ARMC9: variants seen among roughly 807,000 people sequenced by gnomAD.
ARMC9 encodes the protein armadillo repeat containing 9.
Under a neutral mutation model 107.0 loss-of-function variants are expected in ARMC9, and 94 were observed. That is an observed-to-expected ratio of 0.88 (90% confidence interval 0.74 to 1.04). The LOEUF is 1.04. Ranked by LOEUF, ARMC9 falls within the 50% of genes least tolerant of loss-of-function variation. ARMC9 has a pLI of 0.00. For missense variants in ARMC9, 942 were observed against 1,030.1 expected (o/e 0.91, Z 1.17); for synonymous variants, 380 against 396.9 (o/e 0.96, Z 0.51).
intron 21 of ARMC9, among the ~76,000 whole-genome samples, chr2:231,348,853 T>C (rs2125586372): frequency 6.6e-6 from 1 of 152,346 alleles, no homozygotes. Context: ...TCATTGATCA[T>C]CAGAGATGCA....
At chr2:231,309,437 C>T (rs1387454834) in intron 19 of ARMC9, among the ~76,000 whole-genome samples, 1 of 152,154 alleles carries the variant, frequency 6.6e-6, no homozygotes, top group Non-Finnish European at 1.5e-5. Context: ...TGTAGTGAAG[C>T]ATATTTCTAG....
At chr2:231,277,643 A>T (rs1422001524) in intron 15 of ARMC9, among the ~76,000 whole-genome samples, 1 of 150,828 alleles carries the variant, frequency 6.6e-6, no homozygotes, top group East Asian at 1.9e-4. Context: ...CAGTGGTGCA[A>T]CCTCTGCCTC....
chr2:231,343,606 G>C (rs145599345), intron 20 of ARMC9, among the ~76,000 whole-genome samples: 174 of 152,216 alleles, frequency 1.1e-3, no homozygotes, highest in African/African-American at 4.0e-3. Flanking sequence ...TCACTAGTTT[G>C]ACAGTGATTT....
intron 22 of ARMC9, among the ~76,000 whole-genome samples, chr2:231,359,075 G>A (rs1013049950): frequency 4.5e-5 from 6 of 133,348 alleles, no homozygotes; most frequent in African/African-American, 2.3e-4. Context: ...AGTTAGGGGG[G>A]TCTCCTGTTT....
At chr2:231,295,550 C>T (rs1224111075) in intron 18 of ARMC9, 1 of 152,338 alleles carries the variant, frequency 6.6e-6, no homozygotes, top group Non-Finnish European at 1.5e-5. Context: ...GTGGCTGGTA[C>T]AACCCCCATT....
In ARMC9 at chr2:231,354,323, C is replaced by G. The variant is rs969995628; in HGVS notation, c.1995-1475C>G. 4.0e-5 allele frequency among the ~76,000 whole-genome samples: 6 copies of G among 149,936 alleles called. No individual in the cohort carries two copies. The East Asian group carries it at 5.8e-4, about 15-fold the overall frequency. On this transcript the variant is annotated intron_variant, in intron 21 of 24. Coordinates refer to ENST00000611582, the MANE Select transcript of ARMC9 (RefSeq NM_001352754.2). ...CACCTCGGGAAGACTTTCCTGCCCC[C>G]CTCAGGCTGGTTACATGTCTCCTTA...
At chr2:231,339,131 C>T (rs2044327131) in intron 20 of ARMC9, among the ~76,000 whole-genome samples, 2 of 152,034 alleles carry the variant, frequency 1.3e-5, no homozygotes, top group Non-Finnish European at 2.9e-5. Flanking sequence ...AGTTCAAGAC[C>T]AGCCTGGCCA....
rs1442580279 is a variant in ARMC9 at position 231,214,986 on chromosome 2, C to T, written c.333C>T (p.Tyr111=). 2.5e-6 allele frequency: 4 copies of T among 1,613,892 alleles called. No individual in the cohort carries two copies. Among genetic ancestry groups the T allele is most frequent in the South Asian group, 1.1e-5 (1 of 91,060 alleles). ...HIHFAIYLLK[Y]SVGRPDKEEL... ...ATTTTGCCATCTATCTTTTGAAGTA[C>T]TCTGTGGGGAGACCGGTGGGTTTAC... Residue 111 remains tyrosine (Y), a synonymous_variant, in exon 4 of 25, where the codon TAC becomes TAT. Coordinates refer to ENST00000611582, the MANE Select transcript of ARMC9 (RefSeq NM_001352754.2).
intron 20 of ARMC9, among the ~76,000 whole-genome samples, chr2:231,338,535 CT>C (rs764466867): frequency 0.022 from 2,309 of 104,808 alleles, 23 homozygotes; most frequent in African/African-American, 0.062. Context: ...CCCCAATTCA[CT>C]TTTTTTTTTT....
intron 17 of ARMC9, among the ~76,000 whole-genome samples, chr2:231,284,541 C>T (rs1281510679): frequency 2.4e-4 from 36 of 152,346 alleles, no homozygotes; most frequent in East Asian, 9.6e-4. Context: ...ACCTCATTTT[C>T]TTCCCCCTTG....
intron 21 of ARMC9, among the ~76,000 whole-genome samples, chr2:231,351,883 T>G (rs2045097760): frequency 1.3e-5 from 2 of 152,162 alleles, no homozygotes; most frequent in South Asian, 4.2e-4. Context: ...GGTATCCTGT[T>G]GCCAGGAGTG....
At chr2:231,280,516 TATACATATATACATACATAC>T (rs1384184302) in intron 16 of ARMC9, among the ~76,000 whole-genome samples, 6 of 152,004 alleles carry the variant, frequency 3.9e-5, no homozygotes, top group Non-Finnish European at 8.8e-5. Context: ...GACATATATA[TATACATATATACATACATAC>T]ATACATATAT....
At chr2:231,205,036 T>TG (rs2031751921) in intron 1 of ARMC9, among the ~76,000 whole-genome samples, 1 of 151,152 alleles carries the variant, frequency 6.6e-6, no homozygotes, top group Non-Finnish European at 1.5e-5. Context: ...AGAAAGGAGG[T>TG]GGGGAGGCAG....
At position 231,284,467 on chromosome 2, in the gene ARMC9, T is replaced by G. The variant is rs760581794; in HGVS notation, c.1626+2334T>G. Among the ~76,000 whole-genome samples, 11 of 152,334 alleles carry G rather than the reference T, an allele frequency of 7.2e-5. 1 individual carries two copies. The highest frequency in any genetic ancestry group is 3.4e-3 in the Middle Eastern group (1 of 294). ...TTATAGTTGAGACTTCAGCCTCTGC[T>G]TCCAAGCTCACTCACCTGGCTGTCA... On this transcript the variant is annotated intron_variant, in intron 17 of 24. Coordinates refer to ENST00000611582, the MANE Select transcript of ARMC9 (RefSeq NM_001352754.2).
intron 19 of ARMC9, among the ~76,000 whole-genome samples, chr2:231,316,339 T>C (rs1240168849): frequency 6.6e-6 from 1 of 152,096 alleles, no homozygotes; most frequent in Non-Finnish European, 1.5e-5. Context: ...AACACCTTCA[T>C]TTTTGAAGCA....
chr2:231,323,116 G>A (rs967026792), intron 19 of ARMC9, among the ~76,000 whole-genome samples: 2 of 152,072 alleles, frequency 1.3e-5, no homozygotes, highest in East Asian at 1.9e-4. Context: ...TTGAGGCCAG[G>A]AGTTAGAGGC....
intron 21 of ARMC9, among the ~76,000 whole-genome samples, chr2:231,346,228 T>C (rs769050129): frequency 3.3e-5 from 5 of 152,214 alleles, no homozygotes; most frequent in Non-Finnish European, 5.9e-5. Flanking sequence ...TAAAGAATAT[T>C]ACACTGAAGA....
rs1341987081 is a variant in ARMC9, at chr2:231,328,814, C to CTTTTTTTTTTTTT, written c.1774-2975_1774-2974insTTTTTTTTTTTTT. Among the ~76,000 whole-genome samples the CTTTTTTTTTTTTT allele has an allele frequency of 2.8e-3, 350 of 126,984 alleles. 22 individuals are homozygous for CTTTTTTTTTTTTT. Among genetic ancestry groups the CTTTTTTTTTTTTT allele is most frequent in the Non-Finnish European group, 3.5e-3 (207 of 58,720 alleles). 83.3% of individuals were successfully genotyped at this position (126,984 alleles called of 152,430 possible). ...AGCGTGTTCAATTTTCTTTTCTTTT[C>CTTTTTTTTTTTTT]TTTTCTTTTTTTTTTTTTGAGTCGG... On this transcript the variant is annotated intron_variant, in intron 19 of 24. Coordinates refer to ENST00000611582, the MANE Select transcript of ARMC9 (RefSeq NM_001352754.2).
intron 8 of ARMC9, among the ~76,000 whole-genome samples, chr2:231,238,456 C>T (rs1419971619): frequency 2.6e-5 from 4 of 152,272 alleles, no homozygotes; most frequent in Middle Eastern, 3.4e-3. Flanking sequence ...CTCAAGCCAT[C>T]CTTTCACCTC....
Sources: gnomAD v4.1 joint callset for allele counts (sites outside exome capture counted in the v4.1 genomes callset) on GRCh38, gnomAD v4.1.1 for gene constraint, MANE v1.5 for transcripts, NCBI Gene and HGNC (gene_info 2026-07-23, HGNC 2026-07-21) for gene names.